Variants in MOV10L1 observed in about 807,000 individuals in gnomAD.
MOV10L1 encodes the protein Mov10 like RNA helicase 1, also known as RNA helicase Mov10l1.
Under a neutral mutation model 143.8 loss-of-function variants are expected in MOV10L1, and 110 were observed. The observed-to-expected ratio is 0.76, with a 90% confidence interval of 0.66 to 0.90. The LOEUF (loss-of-function observed/expected upper bound fraction) is 0.90. Ranked by LOEUF, MOV10L1 falls within the 40% of genes least tolerant of loss-of-function variation. The pLI is 0.00. For synonymous variants in MOV10L1, 593 were observed against 581.1 expected (o/e 1.02, Z -0.29); for missense variants, 1,406 against 1,526.8 (o/e 0.92, Z 1.32).
chr22:50,144,791 C>T (rs1286169393), intron 18 of MOV10L1, among the ~76,000 whole-genome samples: 4 of 152,046 alleles, frequency 2.6e-5, no homozygotes, highest in Non-Finnish European at 4.4e-5. Flanking sequence ...CCGTGTTAGC[C>T]AGGATGGTCT....
In MOV10L1 at chr22:50,145,908, A is replaced by G. The variant is rs996632759; in HGVS notation, c.2627+98A>G. 3 of 1,537,000 alleles carry G rather than the reference A, an allele frequency of 2.0e-6. No homozygotes were observed. In the African/African-American group the frequency reaches 4.1e-5, roughly 21 times the overall value. On this transcript the variant is annotated intron_variant, in intron 19 of 26. Transcript: ENST00000262794. ...TGAGGGGCGGATGACCCAGAGACTCAGTGCTCAGGGAGGGAGGCAGGGCTG... is the reference window on the plus strand; with the variant it reads ...TGAGGGGCGGATGACCCAGAGACTCGGTGCTCAGGGAGGGAGGCAGGGCTG...
chr22:50,125,264 C>T (rs1196430075), intron 10 of MOV10L1, 128 bp from the exon 11 acceptor site: 1 of 888,172 alleles, frequency 1.1e-6, no homozygotes, highest in Admixed American at 2.5e-5. Flanking sequence ...CAGACTCCGG[C>T]GAGGATCGCC....
rs868743099 is a variant in MOV10L1 at position 50,143,235 on chromosome 22, C to T, written c.2358+14C>T. The T allele has an allele frequency of 1.4e-5, 23 of 1,613,312 alleles. No homozygotes were observed. Among genetic ancestry groups the T allele is most frequent in the Middle Eastern group, 1.6e-4 (1 of 6,084 alleles). Reference sequence around the variant, plus strand: ...GCTGTTTTACAGGTAAGGACAGCGGCGCCGCGGGTGCTGTGGCTCTGTGCT... The same window carrying T: ...GCTGTTTTACAGGTAAGGACAGCGGTGCCGCGGGTGCTGTGGCTCTGTGCT... On this transcript the variant is annotated intron_variant, in intron 17 of 26. Transcript: ENST00000262794.
intron 22 of MOV10L1, among the ~76,000 whole-genome samples, chr22:50,155,732 C>T (rs2063410033): frequency 6.6e-6 from 1 of 152,162 alleles, no homozygotes; most frequent in South Asian, 2.1e-4. Context: ...CCTTGGCCTC[C>T]CAAAGTACTG....
At chr22:50,122,797 A>T (rs9617029) in intron 10 of MOV10L1, among the ~76,000 whole-genome samples, 26,588 of 146,990 alleles carry the variant, frequency 0.18, 2,455 homozygotes, top group South Asian at 0.26. Flanking sequence ...TTATTTATTT[A>T]TTTTTGAGAC....
chr22:50,106,847 G>T (rs970932806), intron 3 of MOV10L1, among the ~76,000 whole-genome samples: 3 of 151,278 alleles, frequency 2.0e-5, no homozygotes, highest in East Asian at 2.0e-4. Flanking sequence ...GACCACAGGC[G>T]CCTGCCACCA....
chr22:50,159,620 G>T lies in MOV10L1; in HGVS notation c.3217-58G>T. 8.7e-6 allele frequency: 10 copies of T among 1,149,844 alleles called. No homozygotes were observed. The highest frequency in any genetic ancestry group is 1.2e-5 in the Non-Finnish European group (10 of 800,370). 71.2% of individuals were successfully genotyped at this position (1,149,844 alleles called of 1,614,324 possible). A position where few individuals can be genotyped will look rare whatever the true frequency, so the allele number is the denominator to read the frequency against. On this transcript the variant is annotated intron_variant, in intron 23 of 26. Transcript: ENST00000262794. This position sits in a 1 kb window ranked among gnomAD's most constrained non-coding sequence, Gnocchi z 4.1. The stretch of plus-strand genomic sequence containing the variant: ...CCATCTCAAAAAAAAAAAAGGAAAA[G>T]AAAAGAAATGGATTTGTACAGTGTT...
intron 22 of MOV10L1, 115 bp from the exon 23 acceptor site, chr22:50,157,942 G>T: frequency 7.9e-7 from 1 of 1,261,250 alleles, no homozygotes; most frequent in East Asian, 2.4e-5. Flanking sequence ...ACGAGAGCAG[G>T]GATTTATTCT....
chr22:50,103,286 G>A (rs561337455), intron 3 of MOV10L1, among the ~76,000 whole-genome samples: 33 of 152,344 alleles, frequency 2.2e-4, no homozygotes, highest in African/African-American at 7.9e-4. Flanking sequence ...GAGGTTTGTA[G>A]ACAACACATG....
At chr22:50,139,547 A>G (rs1378165967) in intron 15 of MOV10L1, among the ~76,000 whole-genome samples, 1 of 152,006 alleles carries the variant, frequency 6.6e-6, no homozygotes, top group African/African-American at 2.4e-5. Flanking sequence ...CTCTGTCTCA[A>G]AAAAAAACAA....
intron 10 of MOV10L1, among the ~76,000 whole-genome samples, chr22:50,124,626 C>T (rs1255698895): frequency 6.6e-6 from 1 of 152,222 alleles, no homozygotes; most frequent in East Asian, 1.9e-4. Context: ...TTTTCCCCCA[C>T]CTCATGCTGA....
intron 19 of MOV10L1, among the ~76,000 whole-genome samples, chr22:50,148,500 ACT>A (rs2063211873): frequency 6.7e-6 from 1 of 149,958 alleles, no homozygotes; most frequent in South Asian, 2.1e-4. Context: ...AACGCTGTGG[ACT>A]CTCTGCTCCT....
intron 17 of MOV10L1, 136 bp from the exon 18 acceptor site, chr22:50,143,961 C>T: frequency 8.7e-7 from 1 of 1,143,738 alleles, no homozygotes; most frequent in Non-Finnish European, 1.2e-6. Context: ...GCCCAGGTCT[C>T]AGTGTGTTGG....
chr22:50,123,245 G>A (rs1176805096), intron 10 of MOV10L1, among the ~76,000 whole-genome samples: 1 of 150,482 alleles, frequency 6.6e-6, no homozygotes, highest in Non-Finnish European at 1.5e-5. Flanking sequence ...GTATTGAGAT[G>A]ATCATATGAT....
At chr22:50,133,297 C>G (rs960070754) in intron 13 of MOV10L1, among the ~76,000 whole-genome samples, 1 of 151,258 alleles carries the variant, frequency 6.6e-6, no homozygotes, top group Admixed American at 6.6e-5. Context: ...AGTTTTTAAT[C>G]AAGAATGGAT....
At chr22:50,126,105 G>GTTTTATTGAACCTCCTCAGTGTTGGA in intron 11 of MOV10L1, 97 bp from the exon 12 acceptor site, 1 of 818,348 alleles carries the variant, frequency 1.2e-6, no homozygotes, top group Non-Finnish European at 2.0e-6. Flanking sequence ...CCCCAGTAAC[G>GTTTTATTGAACCTCCTCAGTGTTGGA]TTTTATTGAA....
At chr22:50,101,382 A>T (rs1267176078) in intron 3 of MOV10L1, among the ~76,000 whole-genome samples, 1 of 148,506 alleles carries the variant, frequency 6.7e-6, no homozygotes, top group Admixed American at 6.7e-5. Context: ...CACCTGGCTA[A>T]TTTTTTGTAT....
intron 19 of MOV10L1, 134 bp from the exon 20 acceptor site, chr22:50,149,481 C>G (rs1381122119): frequency 1.3e-6 from 1 of 742,818 alleles, no homozygotes; most frequent in Non-Finnish European, 2.2e-6. Context: ...ACACCCAGAC[C>G]CCCAGCTCCT....
Position 50,134,998 on chromosome 22 carries a change from T to G in MOV10L1, c.2070+368T>G, listed in dbSNP as rs546283022. ...TATATGACCTTAGAGTTGGGTTTTT[T>G]CTTTTTCTTTTTTCTTTTCTTTCTT... is the stretch of plus-strand genomic sequence containing the variant. On this transcript the variant is annotated intron_variant, in intron 15 of 26. Transcript: ENST00000262794. Among the ~76,000 whole-genome samples, 6 of 152,152 alleles carry G rather than the reference T, an allele frequency of 3.9e-5. No individual in the cohort carries two copies. The South Asian group carries it at 8.3e-4, about 21-fold the overall frequency.
Sources: allele counts gnomAD v4.1 joint callset (sites outside exome capture counted in the v4.1 genomes callset), GRCh38; gene constraint gnomAD v4.1.1; non-coding constraint Gnocchi (gnomAD v3.1); transcripts MANE v1.5; gene names NCBI Gene and HGNC (gene_info 2026-07-23, HGNC 2026-07-21).